Variants in UNC5D observed in about 807,000 individuals in gnomAD.
The protein encoded by UNC5D is unc-5 netrin receptor D.
Under a neutral mutation model 105.4 loss-of-function variants are expected in UNC5D, and 39 were observed. That is an observed-to-expected ratio of 0.37 (90% confidence interval 0.29 to 0.48). UNC5D has a LOEUF of 0.48. Among genes scored for constraint, UNC5D ranks in the 20% least tolerant of loss-of-function variants. The pLI, the probability that UNC5D is intolerant of heterozygous loss-of-function variation, is 0.98. For synonymous variants in UNC5D, 452 were observed against 450.4 expected, an observed-to-expected ratio of 1.00 and a Z score of -0.04; for missense variants, 991 against 1,202.4, an observed-to-expected ratio of 0.82 and a Z score of 2.60.
At chr8:35,255,964 T>G (rs1804047776) in intron 1 of UNC5D, 1 of 152,194 alleles carries the variant, frequency 6.6e-6, no homozygotes, top group Non-Finnish European at 1.5e-5. Context: ...CATAGCAGAC[T>G]TCAATTTTAT....
chr8:35,402,923 C>T (rs575004249), intron 1 of UNC5D, among the ~76,000 whole-genome samples: 2 of 152,276 alleles, frequency 1.3e-5, no homozygotes, highest in South Asian at 4.2e-4. Context: ...GGTGCTGCCC[C>T]ACTCTTGGAA....
chr8:35,679,022 GT>G (rs1448453533), intron 4 of UNC5D, among the ~76,000 whole-genome samples: 2 of 152,116 alleles, frequency 1.3e-5, no homozygotes, highest in African/African-American at 4.8e-5. Flanking sequence ...AGAGGCCAAG[GT>G]GGATTGCTTG....
At chr8:35,239,785 G>T (rs773211417) in intron 1 of UNC5D, among the ~76,000 whole-genome samples, 2 of 151,746 alleles carry the variant, frequency 1.3e-5, no homozygotes, top group African/African-American at 4.8e-5. Flanking sequence ...TGAACTAACT[G>T]CTCAACAGAA....
chr8:35,593,568 C>T (rs1692281873), intron 3 of UNC5D, among the ~76,000 whole-genome samples: 1 of 152,064 alleles, frequency 6.6e-6, no homozygotes, highest in African/African-American at 2.4e-5. Context: ...GGCAACAAAG[C>T]AAGAAGTGAC....
At chr8:35,737,896 C>T (rs929628171) in intron 11 of UNC5D, among the ~76,000 whole-genome samples, 1 of 152,100 alleles carries the variant, frequency 6.6e-6, no homozygotes, top group Non-Finnish European at 1.5e-5. Context: ...CACCTGAGGT[C>T]GGGAGTTCAA....
At chr8:35,438,477 A>G (rs1258799694) in intron 1 of UNC5D, among the ~76,000 whole-genome samples, 2 of 152,038 alleles carry the variant, frequency 1.3e-5, no homozygotes, top group Non-Finnish European at 2.9e-5. Flanking sequence ...TCATGCTGGG[A>G]CAACCAGCTT....
intron 1 of UNC5D, among the ~76,000 whole-genome samples, chr8:35,418,184 C>A (rs905869624): frequency 8.6e-5 from 13 of 152,018 alleles, no homozygotes; most frequent in African/African-American, 2.9e-4. Flanking sequence ...TCTCTTACTG[C>A]CCAGGGCTAA....
intron 1 of UNC5D, among the ~76,000 whole-genome samples, chr8:35,434,191 A>C (rs1806846951): frequency 6.6e-6 from 1 of 152,156 alleles, no homozygotes; most frequent in South Asian, 2.1e-4. Flanking sequence ...ATTGACAGTA[A>C]ATTAAATCTC....
intron 4 of UNC5D, among the ~76,000 whole-genome samples, chr8:35,605,260 A>C (rs1413203994): frequency 6.6e-6 from 1 of 152,096 alleles, no homozygotes; most frequent in African/African-American, 2.4e-5. Flanking sequence ...TTTCCTTCTA[A>C]CAGTCAGGAC....
intron 4 of UNC5D, among the ~76,000 whole-genome samples, chr8:35,614,608 G>A (rs1317962435): frequency 2.0e-5 from 3 of 151,856 alleles, no homozygotes; most frequent in Non-Finnish European, 4.4e-5. Flanking sequence ...AGTAATTAAG[G>A]ACCAGTAAAT....
chr8:35,363,103 G>A (rs575374429), intron 1 of UNC5D, among the ~76,000 whole-genome samples: 1 of 152,236 alleles, frequency 6.6e-6, no homozygotes, highest in Admixed American at 6.5e-5. Flanking sequence ...AACTTGGGAA[G>A]CATATTAACC....
Position 35,452,545 on chromosome 8 carries a change from T to TAATAACC in UNC5D, c.104-96747_104-96746insAATAACC. Among the ~76,000 whole-genome samples, 4 of 152,300 alleles carry TAATAACC rather than the reference T, an allele frequency of 2.6e-5. No individual in the cohort carries two copies. The East Asian group carries it at 7.7e-4, about 29-fold the overall frequency. ...TCCCAAAGTGCTGGGATTACAGGCG[T>TAATAACC]GAGCCACCGTGCCCGGCCTAATATC... On this transcript the variant is annotated intron_variant, in intron 1 of 16. Transcript: ENST00000404895.
At chr8:35,240,020 C>T (rs752929247) in intron 1 of UNC5D, among the ~76,000 whole-genome samples, 11 of 152,126 alleles carry the variant, frequency 7.2e-5, no homozygotes, top group Admixed American at 2.0e-4. Context: ...ACTGCAGTGG[C>T]GAACTCCTAG....
At chr8:35,299,929 G>A (rs183062839) in intron 1 of UNC5D, among the ~76,000 whole-genome samples, 2 of 152,088 alleles carry the variant, frequency 1.3e-5, no homozygotes, top group Non-Finnish European at 2.9e-5. Context: ...GTGCAGAAGG[G>A]TTACTCTGAG....
At chr8:35,534,730 A>G (rs1814704716) in intron 1 of UNC5D, among the ~76,000 whole-genome samples, 3 of 152,050 alleles carry the variant, frequency 2.0e-5, no homozygotes, top group Admixed American at 1.3e-4. Context: ...GAAATGCTCA[A>G]AGATACTACA....
At chr8:35,542,979 C>T (rs376965740) in intron 1 of UNC5D, among the ~76,000 whole-genome samples, 2 of 152,092 alleles carry the variant, frequency 1.3e-5, no homozygotes, top group African/African-American at 4.8e-5. Flanking sequence ...TCTATTTTTA[C>T]ATATATTTTA....
chr8:35,522,499 CTGTGAACTGTTTT>C (rs1813556051), intron 1 of UNC5D, among the ~76,000 whole-genome samples: 1 of 152,170 alleles, frequency 6.6e-6, no homozygotes, highest in African/African-American at 2.4e-5. Flanking sequence ...TATTTTTACC[CTGTGAACTGTTTT>C]TGCAAAGAGA....
chr8:35,361,856 A>C (rs1801871456), intron 1 of UNC5D, among the ~76,000 whole-genome samples: 1 of 152,156 alleles, frequency 6.6e-6, no homozygotes, highest in Admixed American at 6.5e-5. Context: ...AGATGCTTCC[A>C]AAAATGCATA....
intron 1 of UNC5D, among the ~76,000 whole-genome samples, chr8:35,443,744 T>C (rs573987855): frequency 1.5e-4 from 23 of 152,126 alleles, no homozygotes; most frequent in Non-Finnish European, 3.4e-4. Context: ...TTTATTGAGG[T>C]CTGATCATTG....
Sources: gnomAD v4.1 joint callset for allele counts (sites outside exome capture counted in the v4.1 genomes callset) on GRCh38, gnomAD v4.1.1 for gene constraint, MANE v1.5 for transcripts, NCBI Gene and HGNC (gene_info 2026-07-23, HGNC 2026-07-21) for gene names.